Variants in TMEM132D observed in about 807,000 individuals in gnomAD.
TMEM132D encodes mature OL transmembrane protein.
Under a neutral mutation model 62.3 loss-of-function variants are expected in TMEM132D, and 21 were observed. That is an observed-to-expected ratio of 0.34 (90% CI 0.24 to 0.49). TMEM132D has a LOEUF of 0.49. Among genes scored for constraint, TMEM132D ranks in the 20% least tolerant of loss-of-function variants. The pLI is 0.99. For missense variants in TMEM132D, 1,346 were observed against 1,402.8 expected (o/e 0.96, Z 0.65); for synonymous variants, 621 against 575.6 (o/e 1.08, Z -1.13).
intron 1 of TMEM132D, among the ~76,000 whole-genome samples, chr12:129,826,066 A>T (rs1221972072): frequency 6.6e-6 from 1 of 152,168 alleles, no homozygotes; most frequent in South Asian, 2.1e-4. Context: ...GTCTCTAAAA[A>T]AATCAAGTTA....
chr12:129,115,611 T>G (rs1875869898), intron 5 of TMEM132D, among the ~76,000 whole-genome samples: 1 of 152,188 alleles, frequency 6.6e-6, no homozygotes, highest in African/African-American at 2.4e-5. Context: ...TGAAGATATA[T>G]TTTCAGATGC....
chr12:129,316,886 T>A (rs1175406229), intron 4 of TMEM132D, among the ~76,000 whole-genome samples: 1 of 152,220 alleles, frequency 6.6e-6, no homozygotes, highest in African/African-American at 2.4e-5. Context: ...CAAGGCCTTT[T>A]ACCATTATAT....
chr12:129,462,451 T>C (rs952024237), intron 3 of TMEM132D, among the ~76,000 whole-genome samples: 2 of 152,082 alleles, frequency 1.3e-5, no homozygotes, highest in African/African-American at 2.4e-5. Flanking sequence ...CAAAAAAAAA[T>C]TGTTACAATC....
At chr12:129,094,979 C>T (rs1319780892) in intron 5 of TMEM132D, among the ~76,000 whole-genome samples, 4 of 135,314 alleles carry the variant, frequency 3.0e-5, no homozygotes, top group Non-Finnish European at 4.5e-5. Flanking sequence ...GGGAATTGAA[C>T]AATGAGAACA....
intron 4 of TMEM132D, among the ~76,000 whole-genome samples, chr12:129,323,945 T>A (rs999870606): frequency 2.0e-5 from 3 of 152,182 alleles, no homozygotes; most frequent in Non-Finnish European, 4.4e-5. Context: ...AGATTTGTTT[T>A]GTAAATAAAT....
chr12:129,770,913 A>G (rs1049946527), intron 1 of TMEM132D, among the ~76,000 whole-genome samples: 4 of 152,234 alleles, frequency 2.6e-5, no homozygotes, highest in African/African-American at 7.2e-5. Context: ...AAGTCAAACC[A>G]TCGTAAGCCG....
intron 4 of TMEM132D, among the ~76,000 whole-genome samples, chr12:129,283,040 TGA>T (rs1881198874): frequency 6.6e-6 from 1 of 152,162 alleles, no homozygotes; most frequent in Non-Finnish European, 1.5e-5. Flanking sequence ...ACTAAGTATC[TGA>T]GGGGATTTGC....
rs71085578 is a variant in TMEM132D, at chr12:129,839,117, A to ATTTTTTTTTTTTTTTTTTTT, written c.79+64124_79+64143dup. Among the ~76,000 whole-genome samples, 67 of 20,710 alleles carry ATTTTTTTTTTTTTTTTTTTT rather than the reference A, an allele frequency of 3.2e-3. 25 individuals carry two copies. The highest frequency in any genetic ancestry group is 5.2e-3 in the Admixed American group (4 of 764). 13.6% of individuals were successfully genotyped at this position (20,710 alleles called of 152,430 possible). On this transcript the variant is annotated intron_variant, in intron 1 of 8. Coordinates refer to ENST00000422113, the MANE Select transcript of TMEM132D (RefSeq NM_133448.3). ...AGGCGTCCACCACCACGCCTGGCTA[A>ATTTTTTTTTTTTTTTTTTTT]TTTTTTTTTTTTTTTTTTTTTTTTT... is the stretch of plus-strand genomic sequence containing the variant.
chr12:129,649,320 T>C (rs1879863810), intron 2 of TMEM132D, among the ~76,000 whole-genome samples: 1 of 152,128 alleles, frequency 6.6e-6, no homozygotes, highest in Admixed American at 6.6e-5. Context: ...GCTTGGAAGA[T>C]GGTACAGAAA....
chr12:129,593,124 G>A (rs201499032), intron 2 of TMEM132D, among the ~76,000 whole-genome samples: 2 of 151,670 alleles, frequency 1.3e-5, no homozygotes, highest in South Asian at 2.1e-4. Context: ...TCACTCTGGG[G>A]AAAAAAAAGG....
intron 5 of TMEM132D, among the ~76,000 whole-genome samples, chr12:129,176,032 C>T (rs1877896440): frequency 6.6e-6 from 1 of 152,200 alleles, no homozygotes; most frequent in South Asian, 2.1e-4. Flanking sequence ...AGTGAACACA[C>T]TGGTCATAGT....
chr12:129,336,170 G>A (rs573544305), intron 4 of TMEM132D, among the ~76,000 whole-genome samples: 11 of 152,360 alleles, frequency 7.2e-5, no homozygotes, highest in Admixed American at 3.3e-4. Context: ...AAGTTAGGGT[G>A]CCTGGGCAGG....
chr12:129,407,037 G>C (rs1428488589), intron 3 of TMEM132D, among the ~76,000 whole-genome samples: 1 of 152,174 alleles, frequency 6.6e-6, no homozygotes, highest in Non-Finnish European at 1.5e-5. Context: ...ACAGGAAAAG[G>C]CTACTCTGAA....
intron 5 of TMEM132D, among the ~76,000 whole-genome samples, chr12:129,197,254 C>A (rs183779268): frequency 1.3e-5 from 2 of 152,204 alleles, no homozygotes; most frequent in East Asian, 1.9e-4. Context: ...CAGCCATAGA[C>A]AATACTCAAC....
intron 1 of TMEM132D, among the ~76,000 whole-genome samples, chr12:129,747,467 GAC>G (rs1294500279): frequency 3.4e-5 from 5 of 145,800 alleles, no homozygotes; most frequent in African/African-American, 1.0e-4. Context: ...CACACATTCA[GAC>G]ACACACACTC....
intron 3 of TMEM132D, among the ~76,000 whole-genome samples, chr12:129,417,171 C>T (rs1872148159): frequency 6.6e-6 from 1 of 152,168 alleles, no homozygotes; most frequent in South Asian, 2.1e-4. Context: ...GTGAATCCAT[C>T]TGGTCCTGGG....
intron 1 of TMEM132D, among the ~76,000 whole-genome samples, chr12:129,715,338 G>C (rs1265770047): frequency 6.6e-6 from 1 of 152,132 alleles, no homozygotes; most frequent in Non-Finnish European, 1.5e-5. Context: ...GAGGTCCAAG[G>C]CCAACTCAGG....
At chr12:129,087,964 G>GTCCTCCCTGACCGGGA (rs1728094245) in intron 5 of TMEM132D, among the ~76,000 whole-genome samples, 4 of 53,980 alleles carry the variant, frequency 7.4e-5, no homozygotes, top group Non-Finnish European at 1.6e-4. Context: ...CCTGACCGGG[G>GTCCTCCCTGACCGGGA]TGTCCTCCAT....
rs2135605705 is a variant in TMEM132D, at chr12:129,075,038, C to G, written c.2137G>C (p.Val713Leu). 6.2e-7 allele frequency: 1 copy of G among 1,607,398 alleles called. No homozygotes were observed. Among genetic ancestry groups the G allele is most frequent in the Non-Finnish European group, 8.5e-7 (1 of 1,177,974 alleles). The change falls in exon 9 of 9, where the codon GTC becomes CTC. Residue 713 changes from valine to leucine, a missense_variant. By Grantham distance (32) the Val-to-Leu change is conservative. Coordinates refer to ENST00000422113, the MANE Select transcript of TMEM132D (RefSeq NM_133448.3). ...PKQEAAISCW[V>L]QFSDGSVTPL... ...GTGACTGAGCCATCACTGAACTGGA[C>G]CCAGCAACTGATGGCTGCTTCCTAT...
Sources: gnomAD v4.1 joint callset for allele counts (sites outside exome capture counted in the v4.1 genomes callset) on GRCh38, gnomAD v4.1.1 for gene constraint, MANE v1.5 for transcripts, NCBI Gene and HGNC (gene_info 2026-07-23, HGNC 2026-07-21) for gene names.